The following NKAIN4 variants were observed in gnomAD, a reference collection of about 807,000 sequenced individuals.
The protein encoded by NKAIN4 is sodium/potassium-transporting ATPase subunit beta-1-interacting protein 4.
Under a neutral mutation model 28.8 loss-of-function variants are expected in NKAIN4, and 28 were observed. The ratio of observed to expected loss-of-function variants is 0.97; its 90% confidence interval spans 0.72 to 1.33. NKAIN4 has a LOEUF of 1.33. NKAIN4 is among the 40% of genes most tolerant of loss of function. The pLI, the probability that NKAIN4 is intolerant of heterozygous loss-of-function variation, is 0.00. For synonymous variants in NKAIN4, 122 were observed against 115.6 expected, an observed-to-expected ratio of 1.06 and a Z score of -0.36; for missense variants, 289 against 277.2, an observed-to-expected ratio of 1.04 and a Z score of -0.30.
chr20:63,242,509 C>T (rs371340057), intron 6 of NKAIN4, 30 bp downstream of exon 6: 44 of 1,546,056 alleles, frequency 2.8e-5, no homozygotes, highest in Middle Eastern at 1.7e-4. Flanking sequence ...CCAGGCTGGC[C>T]GCAGAGCAGG....
chr20:63,246,160 C>T (rs1277439326), intron 4 of NKAIN4, among the ~76,000 whole-genome samples: 1 of 152,182 alleles, frequency 6.6e-6, no homozygotes, highest in Non-Finnish European at 1.5e-5. Flanking sequence ...AGTCTCCTGA[C>T]CTCGTGATCC....
Position 63,246,696 on chromosome 20 carries a change from T to C in NKAIN4, c.471+882A>G, listed in dbSNP as rs528228417. 2.0e-4 allele frequency: 198 copies of C among 974,978 alleles called. No individual in the cohort carries two copies. The African/African-American group carries it at 3.5e-3, about 17-fold the overall frequency. The allele number at this position is 974,978 out of a possible 1,614,324, so 60.4% of individuals were successfully genotyped here. ...AGGGAGCCTCGAGATCGGTCAGAAG[T>C]TCCTCCAGCGACGGCACCAGCCGTG... On this transcript the variant is annotated intron_variant, in intron 4 of 6. Transcript: ENST00000370316.
At chr20:63,244,536 C>T in intron 4 of NKAIN4, 1 of 472,092 alleles carries the variant, frequency 2.1e-6, no homozygotes, top group Non-Finnish European at 4.4e-6. Flanking sequence ...AGCAAGCCAT[C>T]TGGGATTCTG....
rs372600015 is a variant in NKAIN4, at chr20:63,244,570, G to T, written c.472-486C>A. The T allele has an allele frequency of 4.2e-5, 20 of 470,924 alleles. No individual in the cohort carries two copies. In the East Asian group the frequency reaches 1.2e-3, roughly 28 times the overall value. The allele number at this position is 470,924 out of a possible 1,614,324, so 29.2% of individuals were successfully genotyped here. On this transcript the variant is annotated intron_variant, in intron 4 of 6. Transcript: ENST00000370316. The stretch of plus-strand genomic sequence containing the variant: ...TGGTTTTGAGCCCGGCAAAGTGCAG[G>T]AGAGACAGGCTGAGGACTCGGGGTC...
intron 3 of NKAIN4, chr20:63,248,495 G>A: frequency 3.4e-6 from 1 of 294,190 alleles, no homozygotes; most frequent in Non-Finnish European, 6.6e-6. Flanking sequence ...CGTGGCCCCA[G>A]GAGGGTGGTG....
intron 1 of NKAIN4, chr20:63,253,973 G>A (rs1401080138): frequency 1.8e-5 from 3 of 164,802 alleles, no homozygotes; most frequent in East Asian, 1.8e-4. Context: ...GAACTTGGCC[G>A]CTCACTCGGC....
upstream of NKAIN4, chr20:63,254,784 G>A (rs2067022299): frequency 5.7e-5 from 13 of 227,608 alleles, no homozygotes; most frequent in South Asian, 2.3e-3. Context: ...ACGCGGCAGG[G>A]ATGACCGGCG....
At chr20:63,248,448 G>C (rs2066900020) in intron 3 of NKAIN4, 1 of 224,430 alleles carries the variant, frequency 4.5e-6, no homozygotes, top group African/African-American at 2.3e-5. Context: ...GGCTTTACCA[G>C]CCTGGAGGGT....
chr20:63,241,459 G>T lies in NKAIN4; in HGVS notation c.*38C>A, dbSNP rs1349393955. The T allele has an allele frequency of 3.9e-6, 6 of 1,549,968 alleles. No homozygotes were observed. Among genetic ancestry groups the T allele is most frequent in the Non-Finnish European group, 5.2e-6 (6 of 1,146,638 alleles). On this transcript the variant is annotated 3_prime_UTR_variant, in exon 7 of 7. Transcript: ENST00000370316. ...TCATTGTCACTGGTCGGTCGCTGAG[G>T]CTGGAGGCCACAGGAGCAGGATCAG...
At chr20:63,254,492 G>A (rs1242045253), upstream of NKAIN4, 8 of 1,269,944 alleles carry the variant, frequency 6.3e-6, no homozygotes, top group East Asian at 6.4e-5. Flanking sequence ...CCCCGCGCTC[G>A]GCCCCCGCCC....
rs991158406 is a variant in NKAIN4, at chr20:63,246,907, C to A, written c.471+671G>T. 23 of 985,286 alleles carry A rather than the reference C, an allele frequency of 2.3e-5. No individual in the cohort carries two copies. The African/African-American group carries it at 3.3e-4, about 14-fold the overall frequency. The allele number at this position is 985,286 out of a possible 1,614,324, so 61.0% of individuals were successfully genotyped here. ...TGTTAGGCTCACAGAGGCGGCACAG[C>A]GGGGAAGTGGCCGTGTGGCCATACC... is the stretch of plus-strand genomic sequence containing the variant. On this transcript the variant is annotated intron_variant, in intron 4 of 6. Coordinates refer to ENST00000370316, the MANE Select transcript of NKAIN4 (RefSeq NM_152864.4).
At chr20:63,249,641 G>C (rs779849501) in intron 2 of NKAIN4, among the ~76,000 whole-genome samples, 1 of 152,168 alleles carries the variant, frequency 6.6e-6, no homozygotes, top group African/African-American at 2.4e-5. Context: ...AGCAGGGATC[G>C]TGGCAGCACC....
rs1254238252 is a variant in NKAIN4 at position 63,245,950 on chromosome 20, CAG to C, written c.471+1626_471+1627del. Among the ~76,000 whole-genome samples the C allele has an allele frequency of 8.8e-5, 13 of 147,790 alleles. No homozygotes were observed. The highest frequency in any genetic ancestry group is 1.8e-4 in the African/African-American group (7 of 39,386). ...AAGCTTCCTTTTTTTTTTTTTGAGA[CAG>C]AGTCTCGCTCTGTCACCCAGGCTGG... is the stretch of plus-strand genomic sequence containing the variant. On this transcript the variant is annotated intron_variant, in intron 4 of 6. Transcript: ENST00000370316. The surrounding 1 kb of genome is among the most constrained non-coding windows in gnomAD (Gnocchi z 4.7).
chr20:63,246,517 G>C (rs1175352189), intron 4 of NKAIN4: 2 of 985,308 alleles, frequency 2.0e-6, no homozygotes, highest in African/African-American at 3.5e-5. Flanking sequence ...AGCTCACGAG[G>C]CCACCCGCAC....
chr20:63,250,919 C>A (rs1397915391), intron 1 of NKAIN4, among the ~76,000 whole-genome samples: 1 of 149,834 alleles, frequency 6.7e-6, no homozygotes, highest in Admixed American at 6.6e-5. Context: ...TATCCCCCAC[C>A]CCAGCCACTC....
chr20:63,250,104 A>G (rs1237850976), intron 1 of NKAIN4, 32 bp from the exon 2 acceptor site: 2 of 1,536,426 alleles, frequency 1.3e-6, no homozygotes, highest in Admixed American at 4.1e-5. Context: ...TGAAGGGTGG[A>G]CCCGAGGGAG....
Position 63,242,886 on chromosome 20 carries a change from G to C in NKAIN4, c.533-263C>G, listed in dbSNP as rs1418827368. Among the ~76,000 whole-genome samples, 4 of 149,958 alleles carry C rather than the reference G, an allele frequency of 2.7e-5. No homozygotes were observed. The East Asian group carries it at 7.9e-4, about 30-fold the overall frequency. ...GATCTTCAGCCTGTGCGGGGACATGGCCTGGGGGGACGGCAGGGGTAGGAC... is the reference window on the plus strand; with the variant it reads ...GATCTTCAGCCTGTGCGGGGACATGCCCTGGGGGGACGGCAGGGGTAGGAC... On this transcript the variant is annotated intron_variant, in intron 5 of 6. Transcript: ENST00000370316.
In NKAIN4 at chr20:63,241,446, G is replaced by C. The variant is rs1444518060; in HGVS notation, c.*51C>G. On this transcript the variant is annotated 3_prime_UTR_variant, in exon 7 of 7. Coordinates refer to ENST00000370316, the MANE Select transcript of NKAIN4 (RefSeq NM_152864.4). ...CTGGGAGCTCCTGTCATTGTCACTG[G>C]TCGGTCGCTGAGGCTGGAGGCCACA... 1.5e-5 allele frequency: 24 copies of C among 1,548,852 alleles called. No individual in the cohort carries two copies. Among genetic ancestry groups the C allele is most frequent in the Non-Finnish European group, 2.1e-5 (24 of 1,145,682 alleles).
At position 63,247,184 on chromosome 20, in the gene NKAIN4, G is replaced by A. The variant is rs568709634; in HGVS notation, c.471+394C>T. On this transcript the variant is annotated intron_variant, in intron 4 of 6. Coordinates refer to ENST00000370316, the MANE Select transcript of NKAIN4 (RefSeq NM_152864.4). Reference sequence around the variant, plus strand: ...CACTTCCTGTGACCGGCATGGGCTCGGGGCAGCCGAGGGAACAGGCGGGAC... The same window carrying A: ...CACTTCCTGTGACCGGCATGGGCTCAGGGCAGCCGAGGGAACAGGCGGGAC... 1.2e-5 allele frequency: 14 copies of A among 1,133,680 alleles called. No individual in the cohort carries two copies. In the African/African-American group the frequency reaches 1.3e-4, roughly 11 times the overall value. The allele number at this position is 1,133,680 out of a possible 1,614,324, so 70.2% of individuals were successfully genotyped here. A position where few individuals can be genotyped will look rare whatever the true frequency, so the allele number is the denominator to read the frequency against.
Sources: gnomAD v4.1 joint callset for allele counts (sites outside exome capture counted in the v4.1 genomes callset) on GRCh38, gnomAD v4.1.1 for gene constraint, Gnocchi (gnomAD v3.1) non-coding constraint, MANE v1.5 for transcripts, NCBI Gene and HGNC (gene_info 2026-07-23, HGNC 2026-07-21) for gene names.